Variants in AHRR observed in about 807,000 individuals in gnomAD.
AHRR encodes ahR repressor.
In AHRR, 28 loss-of-function variants were observed where a neutral mutation model predicts 44.0. The observed-to-expected ratio is 0.64, with a 90% CI of 0.47 to 0.87. The LOEUF is 0.87. Ranked by LOEUF, AHRR falls within the 40% of genes least tolerant of loss-of-function variation. The pLI, the probability that AHRR is intolerant of heterozygous loss-of-function variation, is 0.00. For missense variants in AHRR, 990 were observed against 953.9 expected (o/e 1.04, Z -0.50); for synonymous variants, 434 against 407.0 (o/e 1.07, Z -0.80).
At chr5:422,441 G>A (rs1006976886) in intron 5 of AHRR, 17 of 444,142 alleles carry the variant, frequency 3.8e-5, no homozygotes, top group Non-Finnish European at 6.3e-5. Context: ...CAGAGTGTCT[G>A]CGGCCCAGAA....
At position 423,869 on chromosome 5, in the gene AHRR, C is replaced by T. The variant is rs748917880; in HGVS notation, c.600C>T (p.Leu200=). 27 of 1,605,710 alleles carry T rather than the reference C, an allele frequency of 1.7e-5. No homozygotes were observed. The highest frequency in any genetic ancestry group is 2.2e-5 in the Non-Finnish European group (26 of 1,179,728). ...TGDDAILGRL[L]RAQEWGTGTP... ...ATGATGCTATCCTGGGGAGGCTGCT[C>T]AGGGCCCAGGAGTGGGGCACAGGCA... Residue 200 remains leucine (L), a synonymous_variant, in exon 7 of 11, where the codon CTC becomes CTT. Transcript: ENST00000684583.
intron 4 of AHRR, among the ~76,000 whole-genome samples, chr5:377,079 C>T (rs1209004462): frequency 6.6e-6 from 1 of 152,138 alleles, no homozygotes; most frequent in Non-Finnish European, 1.5e-5. Flanking sequence ...AAGGATTTGG[C>T]AAAGTCTACA....
At position 432,908 on chromosome 5, in the gene AHRR, G is replaced by C; in HGVS notation, c.1073G>C (p.Gly358Ala). 1 of 1,613,322 alleles carries C rather than the reference G, an allele frequency of 6.2e-7. No individual in the cohort carries two copies. Among genetic ancestry groups the C allele is most frequent in the African/African-American group, 1.3e-5 (1 of 75,054 alleles). The change falls in exon 10 of 11, where the codon GGT (glycine) becomes GCT (alanine). Residue 358 changes from glycine (G) to alanine (A), a missense_variant. Gly to Ala is a moderately conservative substitution (Grantham distance 60, BLOSUM62 0). Transcript: ENST00000684583. ...AGGGCCCCATGCCTGTGCCTCCGGG[G>C]TGGCCCTGACCTTGTCCTTGACCCC... is the stretch of plus-strand genomic sequence containing the variant. ...PARAPCLCLR[G>A]GPDLVLDPKG...
In AHRR at chr5:435,258, C is replaced by T. The variant is rs545862166; in HGVS notation, c.*424C>T. 21 of 204,946 alleles carry T rather than the reference C, an allele frequency of 1.0e-4. No homozygotes were observed. Among genetic ancestry groups the T allele is most frequent in the African/African-American group, 4.2e-4 (18 of 43,206 alleles). The allele number at this position is 204,946 out of a possible 1,614,324, so 12.7% of individuals were successfully genotyped here. A position where few individuals can be genotyped will look rare whatever the true frequency, so the allele number is the denominator to read the frequency against. The stretch of plus-strand genomic sequence containing the variant: ...CGGGTGATGCTCCCAAGTCCGCAGT[C>T]GGGGATGAAGCGGTCGGGTGACACA... On this transcript the variant is annotated 3_prime_UTR_variant, in exon 11 of 11. Coordinates refer to ENST00000684583, the MANE Select transcript of AHRR (RefSeq NM_001377236.1).
chr5:331,283 T>G (rs1012482455), intron 1 of AHRR, among the ~76,000 whole-genome samples: 6 of 152,224 alleles, frequency 3.9e-5, no homozygotes, highest in Non-Finnish European at 8.8e-5. Context: ...TCTTGGGAGA[T>G]TGTATGTTTC....
At chr5:378,677 A>C (rs1733849075) in intron 4 of AHRR, among the ~76,000 whole-genome samples, 1 of 152,184 alleles carries the variant, frequency 6.6e-6, no homozygotes, top group Non-Finnish European at 1.5e-5. Flanking sequence ...AGAGGGAAAC[A>C]AGGAGGAGGG....
intron 3 of AHRR, among the ~76,000 whole-genome samples, chr5:356,301 G>A (rs1743043495): frequency 6.6e-6 from 1 of 152,176 alleles, no homozygotes; most frequent in Admixed American, 6.5e-5. Context: ...CCCCTTCTAG[G>A]CTGAACCCTG....
Position 434,142 on chromosome 5 carries a change from A to C in AHRR, c.1402A>C (p.Met468Leu), listed in dbSNP as rs1475570451. 6.2e-7 allele frequency: 1 copy of C among 1,611,032 alleles called. No individual in the cohort carries two copies. The highest frequency in any genetic ancestry group is 1.7e-5 in the Admixed American group (1 of 59,578). ...CTACTCCAGCCGGACCAGCAGACCC[A>C]TGCGGGATGTCGGTGAGGACCAGGT... is the stretch of plus-strand genomic sequence containing the variant. ...SAYSSRTSRP[M>L]RDVGEDQVHP... Residue 468 changes from methionine to leucine, a missense_variant, in exon 11 of 11, where the codon ATG (methionine) becomes CTG (leucine). Met to Leu is a conservative substitution (Grantham distance 15). Transcript: ENST00000684583.
chr5:360,185 G>T (rs1484789823), intron 3 of AHRR, among the ~76,000 whole-genome samples: 1 of 152,160 alleles, frequency 6.6e-6, no homozygotes, highest in African/African-American at 2.4e-5. Flanking sequence ...AGACCCAAAA[G>T]AACCCTCTGT....
rs1329051646 is a variant in AHRR at position 434,736 on chromosome 5, G to T, written c.1996G>T (p.Ala666Ser). Residue 666 changes from alanine to serine, a missense_variant, in exon 11 of 11, where the codon GCT becomes TCT. Coordinates refer to ENST00000684583, the MANE Select transcript of AHRR (RefSeq NM_001377236.1). ...KREPLDSPQW[A>S]THSQGMVPGM... ...GGAGCCCTTGGACTCACCCCAGTGGGCTACTCACAGCCAGGGAATGGTGCC... is the reference window on the plus strand; with the variant it reads ...GGAGCCCTTGGACTCACCCCAGTGGTCTACTCACAGCCAGGGAATGGTGCC... The T allele has an allele frequency of 6.4e-7, 1 of 1,569,460 alleles. No homozygotes were observed. Among genetic ancestry groups the T allele is most frequent in the Admixed American group, 1.9e-5 (1 of 54,034 alleles).
At chr5:384,955 C>A (rs1579648737) in intron 4 of AHRR, among the ~76,000 whole-genome samples, 1 of 151,484 alleles carries the variant, frequency 6.6e-6, no homozygotes, top group East Asian at 2.0e-4. Context: ...ATCAGCCTGG[C>A]CAACATAGTG....
At chr5:363,175 G>A (rs1028150488) in intron 3 of AHRR, among the ~76,000 whole-genome samples, 2 of 152,240 alleles carry the variant, frequency 1.3e-5, no homozygotes, top group Non-Finnish European at 2.9e-5. Flanking sequence ...CTGCCCAGCT[G>A]GTAGCTATGG....
At chr5:333,970 A>G (rs911653513) in intron 1 of AHRR, among the ~76,000 whole-genome samples, 1 of 152,114 alleles carries the variant, frequency 6.6e-6, no homozygotes, top group Non-Finnish European at 1.5e-5. Flanking sequence ...TCCTTCATTT[A>G]TGAAGGTTAG....
Position 413,627 on chromosome 5 carries a change from G to A in AHRR, c.441+194G>A, listed in dbSNP as rs571070212. ...TCTTCCAGCCTGGGTTCGGGGTCTCGGCAAGAGGCTTCTCAGTGTTAGGGG... is the reference window on the plus strand; with the variant it reads ...TCTTCCAGCCTGGGTTCGGGGTCTCAGCAAGAGGCTTCTCAGTGTTAGGGG... On this transcript the variant is annotated intron_variant, in intron 5 of 10. Transcript: ENST00000684583. 3.9e-5 allele frequency among the ~76,000 whole-genome samples: 6 copies of A among 152,248 alleles called. No homozygotes were observed. In the South Asian group the frequency reaches 8.3e-4, roughly 21 times the overall value.
intron 3 of AHRR, 53 bp from the exon 4 acceptor site, chr5:376,557 A>AGGC: frequency 7.0e-7 from 1 of 1,423,184 alleles, no homozygotes; most frequent in Non-Finnish European, 9.5e-7. Context: ...AATGAAGAAG[A>AGGC]GTGGCCAGGC....
In AHRR at chr5:379,270, G is replaced by A. The variant is rs112361122; in HGVS notation, c.351+2554G>A. ...GGGCTCATCCACGGTGCTGCGGGCC[G>A]CTGGTTTGTTTCTTGTTATTGATGA... On this transcript the variant is annotated intron_variant, in intron 4 of 10. Transcript: ENST00000684583. Among the ~76,000 whole-genome samples the A allele has an allele frequency of 1.2e-4, 18 of 152,276 alleles. 1 individual carries two copies. Among genetic ancestry groups the A allele is most frequent in the African/African-American group, 2.2e-4 (9 of 41,554 alleles).
chr5:349,684 A>T (rs1448868558), intron 2 of AHRR, among the ~76,000 whole-genome samples: 1 of 152,054 alleles, frequency 6.6e-6, no homozygotes, highest in African/African-American at 2.4e-5. Flanking sequence ...TCCTGTAACT[A>T]CCCCCAAGGT....
chr5:371,024 C>G (rs1743563125), intron 3 of AHRR, among the ~76,000 whole-genome samples: 1 of 152,156 alleles, frequency 6.6e-6, no homozygotes, highest in Non-Finnish European at 1.5e-5. Flanking sequence ...AGCTGGAGAC[C>G]CAGGAGAGCC....
At chr5:336,200 T>A (rs545695695) in intron 1 of AHRR, among the ~76,000 whole-genome samples, 2 of 152,186 alleles carry the variant, frequency 1.3e-5, no homozygotes, top group African/African-American at 4.8e-5. Context: ...ACTGCATGAT[T>A]CTCCAGTGGG....
Sources: allele counts gnomAD v4.1 joint callset (sites outside exome capture counted in the v4.1 genomes callset), GRCh38; gene constraint gnomAD v4.1.1; transcripts MANE v1.5; gene names NCBI Gene and HGNC (gene_info 2026-07-23, HGNC 2026-07-21).